The following RANBP2 variants were observed in gnomAD, a reference collection of about 807,000 sequenced individuals.
RANBP2 encodes RAN binding protein 2.
Under a neutral mutation model 303.6 loss-of-function variants are expected in RANBP2, and 57 were observed. The ratio of observed to expected loss-of-function variants is 0.19; its 90% CI spans 0.15 to 0.23. The LOEUF is 0.23. RANBP2 is among the 10% of genes least tolerant of loss of function. The pLI is 1.00. For missense variants in RANBP2, 3,138 were observed against 3,780.8 expected (o/e 0.83, Z 4.46); for synonymous variants, 1,167 against 1,301.5 (o/e 0.90, Z 2.23).
At chr2:109,614,540 G>T in the RANBP2 span, 1 of 1,292,920 alleles carries the variant, frequency 7.7e-7, no homozygotes, top group Non-Finnish European at 9.7e-7. Context: ...GCCCCGAGGC[G>T]GTGCTGCGCT....
chr2:109,037,217 G>A, the RANBP2 span, among the ~76,000 whole-genome samples: 13 of 151,768 alleles, frequency 8.6e-5, no homozygotes, highest in South Asian at 2.1e-4. Flanking sequence ...CCAGCTACTC[G>A]GGAGGCTGAG....
chr2:109,134,724 A>G, the RANBP2 span, among the ~76,000 whole-genome samples: 5 of 152,254 alleles, frequency 3.3e-5, no homozygotes, highest in Middle Eastern at 3.4e-3. Context: ...CTCTTACTCT[A>G]CCACAGGCTC....
chr2:108,795,549 C>T, the RANBP2 span, among the ~76,000 whole-genome samples: 2 of 152,192 alleles, frequency 1.3e-5, no homozygotes, highest in South Asian at 2.1e-4. Flanking sequence ...AAATTCTTCC[C>T]GTTGGAAACA....
At chr2:109,164,162 CCT>C in the RANBP2 span, among the ~76,000 whole-genome samples, 66 of 152,128 alleles carry the variant, frequency 4.3e-4, 1 homozygote, top group African/African-American at 1.4e-3. Context: ...AACTCTGATG[CCT>C]CTCTCTTTTT....
the RANBP2 span, among the ~76,000 whole-genome samples, chr2:108,996,081 G>T: frequency 6.6e-6 from 1 of 152,114 alleles, no homozygotes; most frequent in African/African-American, 2.4e-5. Flanking sequence ...GTTCTGCTGG[G>T]GTATCATTCA....
At chr2:109,284,412 C>A in the RANBP2 span, among the ~76,000 whole-genome samples, 13 of 152,200 alleles carry the variant, frequency 8.5e-5, no homozygotes, top group Non-Finnish European at 1.5e-4. Context: ...GGGGCAGGAC[C>A]TTATTCCCAA....
chr2:109,547,066 A>G, the RANBP2 span, among the ~76,000 whole-genome samples: 1 of 152,064 alleles, frequency 6.6e-6, no homozygotes, highest in Admixed American at 6.6e-5. Flanking sequence ...CCCTTCCCCA[A>G]CCAGGGAGAA....
At chr2:108,945,930 T>G in the RANBP2 span, among the ~76,000 whole-genome samples, 14 of 152,342 alleles carry the variant, frequency 9.2e-5, no homozygotes, top group South Asian at 2.1e-3. Flanking sequence ...AGATGCCTAT[T>G]CTATCCTATG....
At chr2:109,354,862 T>G in the RANBP2 span, among the ~76,000 whole-genome samples, 1 of 152,260 alleles carries the variant, frequency 6.6e-6, no homozygotes, top group Admixed American at 6.5e-5. Flanking sequence ...AAAGACTCCT[T>G]GTAGATGGCA....
chr2:109,703,988 C>T, the RANBP2 span, among the ~76,000 whole-genome samples: 1 of 152,160 alleles, frequency 6.6e-6, no homozygotes, highest in Non-Finnish European at 1.5e-5. Context: ...ATCACTTCTC[C>T]CACTGCCAAT....
At chr2:109,053,340 T>C in the RANBP2 span, among the ~76,000 whole-genome samples, 1 of 152,210 alleles carries the variant, frequency 6.6e-6, no homozygotes, top group African/African-American at 2.4e-5. Context: ...TTTTTCTTGC[T>C]TGTAGTTCTC....
chr2:109,613,018 C>T, the RANBP2 span: 1 of 509,206 alleles, frequency 2.0e-6, no homozygotes, highest in Admixed American at 2.3e-5. Flanking sequence ...AGATGAAAAC[C>T]ACCAATGTTT....
chr2:109,705,453 G>C, the RANBP2 span, among the ~76,000 whole-genome samples: 1 of 152,306 alleles, frequency 6.6e-6, no homozygotes, highest in South Asian at 2.1e-4. Context: ...ATGCAGCGAG[G>C]GTGGGTGGAT....
the RANBP2 span, among the ~76,000 whole-genome samples, chr2:109,717,272 CAA>C: frequency 5.0e-3 from 620 of 124,760 alleles, 10 homozygotes; most frequent in Admixed American, 0.038. Context: ...AAAAACAAAC[CAA>C]AAAAAAAAAA....
the RANBP2 span, among the ~76,000 whole-genome samples, chr2:109,214,891 G>A: frequency 5.3e-5 from 8 of 152,318 alleles, no homozygotes; most frequent in South Asian, 2.1e-4. Context: ...TCTGAGACTT[G>A]GAGGGTGGTA....
the RANBP2 span, among the ~76,000 whole-genome samples, chr2:109,042,365 T>C: frequency 6.6e-6 from 1 of 152,232 alleles, no homozygotes. Flanking sequence ...ATGTATGTAT[T>C]TGTATTTATC....
chr2:108,879,594 T>C, the RANBP2 span, among the ~76,000 whole-genome samples: 6 of 152,336 alleles, frequency 3.9e-5, no homozygotes, highest in East Asian at 1.2e-3. Flanking sequence ...AACTTTCTAA[T>C]AGAAAAATAT....
At chr2:109,425,976 C>T in the RANBP2 span, among the ~76,000 whole-genome samples, 1 of 152,202 alleles carries the variant, frequency 6.6e-6, no homozygotes, top group African/African-American at 2.4e-5. Context: ...TGGCTCACTG[C>T]AACCTCCGCC....
At chr2:108,923,278 T>C in the RANBP2 span, 1 of 1,253,190 alleles carries the variant, frequency 8.0e-7, no homozygotes, top group Admixed American at 1.7e-5. Context: ...CTTGTCCAGG[T>C]GCCAGGACCG....
Sources: gnomAD v4.1 joint callset for allele counts (sites outside exome capture counted in the v4.1 genomes callset) on GRCh38, gnomAD v4.1.1 for gene constraint, MANE v1.5 for transcripts, NCBI Gene and HGNC (gene_info 2026-07-23, HGNC 2026-07-21) for gene names.